Variants in DGKQ observed in about 807,000 individuals in gnomAD.
DGKQ encodes DAG kinase theta.
In DGKQ, 97 loss-of-function variants were observed where a neutral mutation model predicts 104.2. The observed-to-expected ratio is 0.93, with a 90% CI of 0.79 to 1.10. DGKQ has a LOEUF of 1.10. Among genes scored for constraint, DGKQ ranks in the 50% least tolerant of loss-of-function variants. DGKQ has a pLI of 0.00. For synonymous variants in DGKQ, 736 were observed against 595.2 expected (o/e 1.24, Z -3.44); for missense variants, 1,465 against 1,352.1 (o/e 1.08, Z -1.31).
intron 10 of DGKQ, 78 bp from the exon 11 acceptor site, chr4:966,880 G>A: frequency 6.4e-7 from 1 of 1,557,788 alleles, no homozygotes; most frequent in Non-Finnish European, 8.7e-7. Context: ...GCCACGCCTG[G>A]GCTGGGATGG....
In DGKQ at chr4:963,237, C is replaced by T. The variant is rs1424632370; in HGVS notation, c.1788G>A (p.Lys596=). 1.9e-6 allele frequency: 3 copies of T among 1,611,310 alleles called. No individual in the cohort carries two copies. Among genetic ancestry groups the T allele is most frequent in the Admixed American group, 1.7e-5 (1 of 59,978 alleles). The change falls in exon 16 of 23, where the codon AAG becomes AAA. Residue 596 remains lysine, a synonymous_variant. Transcript: ENST00000273814. ...SCPLLVFVNP[K]SGGLKGRDLL... ...GGTCTCGGCCCTTGAGGCCTCCACTCTTGGGGTTCACGAACACAAGGAGGG... is the reference window on the plus strand; with the variant it reads ...GGTCTCGGCCCTTGAGGCCTCCACTTTTGGGGTTCACGAACACAAGGAGGG...
intron 3 of DGKQ, 110 bp downstream of exon 3, chr4:968,701 C>T (rs1712677622): frequency 1.5e-6 from 2 of 1,349,698 alleles, no homozygotes; most frequent in Non-Finnish European, 1.0e-6. Context: ...GGCGGCCAGC[C>T]CTTGGCCTCC....
intron 11 of DGKQ, 32 bp from the exon 12 acceptor site, chr4:966,559 C>T (rs1194662053): frequency 6.2e-7 from 1 of 1,601,516 alleles, no homozygotes. Context: ...CCGTCAGCAC[C>T]CGGCTCCTCG....
Position 962,083 on chromosome 4 carries a change from C to T in DGKQ, c.2215-1G>A. 6.2e-7 allele frequency: 1 copy of T among 1,610,652 alleles called. No homozygotes were observed. The highest frequency in any genetic ancestry group is 8.5e-7 in the Non-Finnish European group (1 of 1,179,684). On this transcript the variant is annotated splice_acceptor_variant, in intron 18 of 22. Transcript: ENST00000273814. LOFTEE classifies it high-confidence loss of function. ...CACAGTAGTTACTCATCTGCACGAT[C>T]TGGGGACAGGGCGTTCATCTCCCAG... is the stretch of plus-strand genomic sequence containing the variant.
Position 961,856 on chromosome 4 carries a change from C to T in DGKQ, c.2316-22G>A, listed in dbSNP as rs775590590. The stretch of plus-strand genomic sequence containing the variant: ...CAGCCTGCAGGACGGGGCAGGTCAC[C>T]CATCACCAGGGGAAGCCCTACCCCG... On this transcript the variant is annotated intron_variant, in intron 19 of 22. Coordinates refer to ENST00000273814, the MANE Select transcript of DGKQ (RefSeq NM_001347.4). 4.4e-6 allele frequency: 7 copies of T among 1,592,048 alleles called. No individual in the cohort carries two copies. In the East Asian group the frequency reaches 1.3e-4, roughly 31 times the overall value.
rs531351427 is a variant in DGKQ, at chr4:966,575, C to A, written c.1367-48G>T. 2.8e-5 allele frequency: 44 copies of A among 1,589,470 alleles called. No individual in the cohort carries two copies. In the South Asian group the frequency reaches 4.3e-4, roughly 15 times the overall value. On this transcript the variant is annotated intron_variant, in intron 11 of 22. Transcript: ENST00000273814. ...CGTCAGCACCCGGCTCCTCGCCCAC[C>A]TTGGAAGCAGCTGCCCGGAGCCCCC...
rs773415391 is a variant in DGKQ at position 967,656 on chromosome 4, C to T, written c.887-7G>A. ...ATCTTCAGCGTTTGCTTCCCTGGGC[C>T]GGGTAAGCTCCGTGAGTCCCGGGCG... On this transcript the variant is annotated splice_polypyrimidine_tract_variant and splice_region_variant and intron_variant, in intron 7 of 22. Transcript: ENST00000273814. 1.4e-5 allele frequency: 22 copies of T among 1,612,484 alleles called. No individual in the cohort carries two copies. Among genetic ancestry groups the T allele is most frequent in the African/African-American group, 2.7e-5 (2 of 74,910 alleles).
intron 12 of DGKQ, 140 bp from the exon 13 acceptor site, chr4:966,218 G>C: frequency 9.9e-7 from 1 of 1,009,472 alleles, no homozygotes; most frequent in Non-Finnish European, 1.5e-6. Flanking sequence ...AACGAGGAAA[G>C]GGGCCACAGA....
chr4:966,113 A>C lies in DGKQ; in HGVS notation c.1429-35T>G, dbSNP rs1712310663. 2.6e-6 allele frequency: 4 copies of C among 1,564,696 alleles called. No individual in the cohort carries two copies. The East Asian group carries it at 9.2e-5, about 36-fold the overall frequency. ...GAGGGGCGGGGATGCTGGGCCGGGG[A>C]GAACGGCACCACCGCACCAGGCCCT... On this transcript the variant is annotated intron_variant, in intron 12 of 22. Coordinates refer to ENST00000273814, the MANE Select transcript of DGKQ (RefSeq NM_001347.4).
intron 13 of DGKQ, 81 bp downstream of exon 13, chr4:965,847 C>G: frequency 7.0e-7 from 1 of 1,420,810 alleles, no homozygotes; most frequent in Non-Finnish European, 9.4e-7. Context: ...AGGCAGGAGC[C>G]GGCTCAGCAC....
intron 15 of DGKQ, among the ~76,000 whole-genome samples, chr4:963,568 G>T (rs75854631): frequency 6.6e-6 from 1 of 152,192 alleles, no homozygotes; most frequent in Non-Finnish European, 1.5e-5. Context: ...ACTGAGCTGC[G>T]TGTGAACAGA....
chr4:967,352 G>C lies in DGKQ; in HGVS notation c.997C>G (p.Leu333Val), dbSNP rs1389824405. ...AGAEEVLEAA[L>V]RAHHIPEDPG... ...TCCTCGGGGATGTGGTGGGCCCGCA[G>C]TGCGGCCTCCTGCAGGGCACCAGGT... The change falls in exon 9 of 23, where the codon CTG becomes GTG. Residue 333 changes from leucine to valine, a missense_variant. Physicochemically the swap from Leu to Val is conservative, Grantham distance 32. Coordinates refer to ENST00000273814, the MANE Select transcript of DGKQ (RefSeq NM_001347.4). 2.4e-5 allele frequency: 37 copies of C among 1,534,760 alleles called. No individual in the cohort carries two copies. Among genetic ancestry groups the C allele is most frequent in the Non-Finnish European group, 3.2e-5 (37 of 1,145,806 alleles).
rs1167140434 is a variant in DGKQ, at chr4:971,710, A to G, written c.272-638T>C. Among the ~76,000 whole-genome samples, 1 of 152,058 alleles carries G rather than the reference A, an allele frequency of 6.6e-6. No homozygotes were observed. Among genetic ancestry groups the G allele is most frequent in the Non-Finnish European group, 1.5e-5 (1 of 67,986 alleles). On this transcript the variant is annotated intron_variant, in intron 1 of 22. Transcript: ENST00000273814. This position sits in a 1 kb window ranked among gnomAD's most constrained non-coding sequence, Gnocchi z 4.0. ...AAGCGCCACACCCCAGCAGTAAAACAGACAGGAGGGTGGGGCCGGGGCAGA... is the reference window on the plus strand; with the variant it reads ...AAGCGCCACACCCCAGCAGTAAAACGGACAGGAGGGTGGGGCCGGGGCAGA...
intron 3 of DGKQ, 59 bp from the exon 4 acceptor site, chr4:968,623 G>A (rs564228776): frequency 2.9e-5 from 44 of 1,501,508 alleles, no homozygotes; most frequent in East Asian, 1.9e-4. Flanking sequence ...TGCCTCTGCC[G>A]GTGCTTGGGT....
In DGKQ at chr4:961,481, C is replaced by T; in HGVS notation, c.2560G>A (p.Gly854Ser). Reference protein sequence around the residue: ...DGLLEVVGVTGVVHMGQVQGG... With the variant: ...DGLLEVVGVTSVVHMGQVQGG... ...CGGCGGCTCACCATGTGCACGACGC[C>T]CGTCACGCCCACAACCTCCAGCAGC... Residue 854 changes from glycine (G) to serine (S), a missense_variant, in exon 21 of 23, where the codon GGC becomes AGC. Gly to Ser is a moderately conservative substitution (Grantham distance 56, BLOSUM62 0). Transcript: ENST00000273814. 1 of 1,601,920 alleles carries T rather than the reference C, an allele frequency of 6.2e-7. No homozygotes were observed. Among genetic ancestry groups the T allele is most frequent in the Non-Finnish European group, 8.5e-7 (1 of 1,176,090 alleles).
chr4:966,949 G>A lies in DGKQ; in HGVS notation c.1311+15C>T, dbSNP rs760502046. On this transcript the variant is annotated intron_variant, in intron 10 of 22. Transcript: ENST00000273814. ...CGAGTCTGGCCGGCATGGGGAGCAG[G>A]CACAGGGTACGCACCTGGCGGCCGA... 42 of 1,556,266 alleles carry A rather than the reference G, an allele frequency of 2.7e-5. No individual in the cohort carries two copies. The African/African-American group carries it at 5.6e-4, about 21-fold the overall frequency.
intron 2 of DGKQ, 120 bp from the exon 3 acceptor site, chr4:969,030 G>A: frequency 1.5e-6 from 1 of 651,384 alleles, no homozygotes; most frequent in Non-Finnish European, 2.6e-6. Context: ...TGCCCAGGCT[G>A]AGCCAGCTGT....
Position 962,027 on chromosome 4 carries a change from T to A in DGKQ, c.2270A>T (p.Asp757Val). 1 of 1,613,122 alleles carries A rather than the reference T, an allele frequency of 6.2e-7. No individual in the cohort carries two copies. The highest frequency in any genetic ancestry group is 8.5e-7 in the Non-Finnish European group (1 of 1,179,946). ...GIGIDAELSL[D>V]FHQAREEEPG... Reference sequence around the variant, plus strand: ...CTCCTCTTCCCGTGCCTGGTGGAAGTCCAGGCTCAGCTCCGCGTCGATGCC... The same window carrying A: ...CTCCTCTTCCCGTGCCTGGTGGAAGACCAGGCTCAGCTCCGCGTCGATGCC... The change falls in exon 19 of 23, where the codon GAC (aspartate) becomes GTC (valine). Residue 757 changes from aspartate (D) to valine (V), a missense_variant. Physicochemically the swap from Asp to Val is radical, Grantham distance 152. Coordinates refer to ENST00000273814, the MANE Select transcript of DGKQ (RefSeq NM_001347.4).
chr4:969,314 G>A (rs966938533), intron 2 of DGKQ, among the ~76,000 whole-genome samples: 2 of 152,202 alleles, frequency 1.3e-5, no homozygotes, highest in Non-Finnish European at 2.9e-5. Context: ...AGGCTCTGTC[G>A]ACGGCCTGGC....
Sources: allele counts gnomAD v4.1 joint callset (sites outside exome capture counted in the v4.1 genomes callset), GRCh38; gene constraint gnomAD v4.1.1; non-coding constraint Gnocchi (gnomAD v3.1); transcripts MANE v1.5; gene names NCBI Gene and HGNC (gene_info 2026-07-23, HGNC 2026-07-21).